Variants in SORCS2 observed in about 807,000 individuals in gnomAD.
SORCS2 encodes sortilin related VPS10 domain containing receptor 2.
A neutral mutation model predicts 141.6 loss-of-function variants in SORCS2; 100 were observed. The observed-to-expected ratio is 0.71, with a 90% CI of 0.60 to 0.83. The LOEUF (loss-of-function observed/expected upper bound fraction) is 0.83. Among genes scored for constraint, SORCS2 ranks in the 40% least tolerant of loss-of-function variants. The pLI, the probability that SORCS2 is intolerant of heterozygous loss-of-function variation, is 0.00. For missense variants in SORCS2, 1,646 were observed against 1,560.2 expected (o/e 1.05, Z -0.93); for synonymous variants, 789 against 676.9 (o/e 1.17, Z -2.57).
Position 7,720,841 on chromosome 4 carries a change from C to A in SORCS2, c.2424+2658C>A, listed in dbSNP as rs575066625. Among the ~76,000 whole-genome samples the A allele has an allele frequency of 2.4e-4, 37 of 152,296 alleles. 1 individual carries two copies. In the South Asian group the frequency reaches 4.1e-3, roughly 17 times the overall value. On this transcript the variant is annotated intron_variant, in intron 18 of 26. Coordinates refer to ENST00000507866, the MANE Select transcript of SORCS2 (RefSeq NM_020777.3). ...TAAAAATAGCGCCAGCATGAAGTACCGGTGAGGATGCAGGGAAGGACACTG... is the reference window on the plus strand; with the variant it reads ...TAAAAATAGCGCCAGCATGAAGTACAGGTGAGGATGCAGGGAAGGACACTG...
chr4:7,287,113 G>A (rs1716277115), intron 1 of SORCS2, among the ~76,000 whole-genome samples: 1 of 152,174 alleles, frequency 6.6e-6, no homozygotes, highest in Non-Finnish European at 1.5e-5. Context: ...CTCCCTGAGG[G>A]CAGGATTTGG....
At chr4:7,202,155 A>T (rs1170363026) in intron 1 of SORCS2, among the ~76,000 whole-genome samples, 1 of 152,192 alleles carries the variant, frequency 6.6e-6, no homozygotes, top group Non-Finnish European at 1.5e-5. Context: ...GCAAGGCTGT[A>T]AAACACAGAC....
intron 1 of SORCS2, among the ~76,000 whole-genome samples, chr4:7,299,087 G>A (rs542924918): frequency 7.2e-5 from 11 of 152,378 alleles, no homozygotes; most frequent in East Asian, 3.9e-4. Flanking sequence ...ACATAAAGCC[G>A]GGGGTTGGTG....
At chr4:7,551,454 C>T (rs753889494) in intron 3 of SORCS2, among the ~76,000 whole-genome samples, 36 of 152,212 alleles carry the variant, frequency 2.4e-4, no homozygotes, top group Non-Finnish European at 4.1e-4. Context: ...CCTTATGCCA[C>T]ATCGGCTGTG....
chr4:7,311,399 A>G (rs758491789), intron 1 of SORCS2, among the ~76,000 whole-genome samples: 6 of 152,190 alleles, frequency 3.9e-5, no homozygotes, highest in Admixed American at 6.5e-5. Context: ...GCTTTCGTGG[A>G]GACACCTGTC....
At position 7,392,566 on chromosome 4, in the gene SORCS2, T is replaced by C. The variant is rs183198510; in HGVS notation, c.481-3722T>C. 8.1e-4 allele frequency among the ~76,000 whole-genome samples: 123 copies of C among 152,228 alleles called. 1 individual carries two copies. Among genetic ancestry groups the C allele is most frequent in the African/African-American group, 2.9e-3 (120 of 41,546 alleles). On this transcript the variant is annotated intron_variant, in intron 1 of 26. Coordinates refer to ENST00000507866, the MANE Select transcript of SORCS2 (RefSeq NM_020777.3). ...CCCCACTGTCATGGAGCTTACTGCC[T>C]GGCAGCCTCAGGGGCGGGCAGGTTC...
chr4:7,374,166 T>TCTTTCTTTCTTTCTTTCTTC (rs1722473550), intron 1 of SORCS2, among the ~76,000 whole-genome samples: 3 of 146,444 alleles, frequency 2.0e-5, no homozygotes, highest in African/African-American at 5.2e-5. Flanking sequence ...TTTCTTTCTT[T>TCTTTCTTTCTTTCTTTCTTC]CTTTCTTTCT....
intron 24 of SORCS2, 85 bp downstream of exon 24, chr4:7,733,506 C>A: frequency 8.9e-7 from 1 of 1,125,650 alleles, no homozygotes; most frequent in Non-Finnish European, 1.3e-6. Flanking sequence ...GGCCCTCGGG[C>A]AGATGGCCCG....
chr4:7,500,194 C>G (rs1299716603), intron 2 of SORCS2, among the ~76,000 whole-genome samples: 2 of 152,108 alleles, frequency 1.3e-5, no homozygotes, highest in Non-Finnish European at 2.9e-5. Context: ...TCCCTCCACT[C>G]TCGGTCCCCT....
intron 1 of SORCS2, among the ~76,000 whole-genome samples, chr4:7,202,214 C>T (rs1236067193): frequency 6.6e-6 from 1 of 152,200 alleles, no homozygotes; most frequent in Non-Finnish European, 1.5e-5. Flanking sequence ...CTGAGGGCAA[C>T]AGCAACGTCT....
At chr4:7,455,950 A>G (rs1728889197) in intron 2 of SORCS2, among the ~76,000 whole-genome samples, 1 of 152,220 alleles carries the variant, frequency 6.6e-6, no homozygotes, top group African/African-American at 2.4e-5. Flanking sequence ...ACCTGGGACT[A>G]GGGGCTTAAA....
At chr4:7,448,316 G>A (rs987641325) in intron 2 of SORCS2, among the ~76,000 whole-genome samples, 5 of 152,002 alleles carry the variant, frequency 3.3e-5, no homozygotes, top group South Asian at 2.1e-4. Context: ...AGGGCCCTGC[G>A]CCGGCCAGGC....
intron 17 of SORCS2, among the ~76,000 whole-genome samples, chr4:7,716,507 T>C (rs923893166): frequency 2.6e-5 from 4 of 152,130 alleles, no homozygotes; most frequent in Non-Finnish European, 4.4e-5. Context: ...TACCCATCCA[T>C]CCATTCATCT....
intron 2 of SORCS2, among the ~76,000 whole-genome samples, chr4:7,456,641 C>T (rs934877088): frequency 3.3e-5 from 5 of 152,120 alleles, no homozygotes; most frequent in African/African-American, 4.8e-5. Flanking sequence ...GAGAGGGTAA[C>T]GCAGGAAGGG....
At chr4:7,470,419 A>ATCCAGCCT (rs1729905135) in intron 2 of SORCS2, among the ~76,000 whole-genome samples, 1 of 152,180 alleles carries the variant, frequency 6.6e-6, no homozygotes, top group Non-Finnish European at 1.5e-5. Context: ...CCATCCAGCC[A>ATCCAGCCT]TCCTCCCATT....
intron 2 of SORCS2, among the ~76,000 whole-genome samples, chr4:7,517,593 TATC>T (rs1471667517): frequency 6.6e-6 from 1 of 152,212 alleles, no homozygotes; most frequent in African/African-American, 2.4e-5. Flanking sequence ...ACGAAAATGT[TATC>T]ATTTTGTTCC....
At chr4:7,274,964 GT>G (rs1329251174) in intron 1 of SORCS2, among the ~76,000 whole-genome samples, 3 of 152,222 alleles carry the variant, frequency 2.0e-5, no homozygotes, top group African/African-American at 7.2e-5. Flanking sequence ...CTGTGGGGTT[GT>G]CCGTGTGTTT....
At chr4:7,408,103 T>C (rs1360740440) in intron 2 of SORCS2, among the ~76,000 whole-genome samples, 1 of 152,186 alleles carries the variant, frequency 6.6e-6, no homozygotes, top group Non-Finnish European at 1.5e-5. Flanking sequence ...TATGAGTGGA[T>C]TGTGTATCAC....
chr4:7,230,456 T>A (rs74809389), intron 1 of SORCS2, among the ~76,000 whole-genome samples: 1 of 138,506 alleles, frequency 7.2e-6, no homozygotes, highest in Admixed American at 7.3e-5. Flanking sequence ...GAGATGAAGA[T>A]GGTCAAGTCT....
Sources: allele counts gnomAD v4.1 joint callset (sites outside exome capture counted in the v4.1 genomes callset), GRCh38; gene constraint gnomAD v4.1.1; transcripts MANE v1.5; gene names NCBI Gene and HGNC (gene_info 2026-07-23, HGNC 2026-07-21).